LTBP1: variants seen among roughly 807,000 people sequenced by gnomAD.
LTBP1 encodes latent transforming growth factor beta binding protein 1.
LTBP1 carries 129 observed loss-of-function variants against 207.6 expected under a neutral mutation model. The ratio of observed to expected loss-of-function variants is 0.62; its 90% CI spans 0.54 to 0.72. The LOEUF is 0.72. Ranked by LOEUF, LTBP1 falls within the 30% of genes least tolerant of loss-of-function variation. The pLI, the probability that LTBP1 is intolerant of heterozygous loss-of-function variation, is 0.00. For synonymous variants in LTBP1, 963 were observed against 833.7 expected, an observed-to-expected ratio of 1.16 and a Z score of -2.67; for missense variants, 2,281 against 2,217.2, an observed-to-expected ratio of 1.03 and a Z score of -0.58.
intron 4 of LTBP1, among the ~76,000 whole-genome samples, chr2:33,128,735 G>A (rs2081589439): frequency 6.6e-6 from 1 of 152,216 alleles, no homozygotes; most frequent in Non-Finnish European, 1.5e-5. Flanking sequence ...CAGGATTCTA[G>A]ATTGTGGCTG....
chr2:33,328,160 A>C (rs2094451005), intron 24 of LTBP1, among the ~76,000 whole-genome samples: 1 of 147,158 alleles, frequency 6.8e-6, no homozygotes, highest in Admixed American at 6.6e-5. Flanking sequence ...TAAATAAATA[A>C]ATAAATAAAA....
At chr2:33,027,894 C>G (rs1467217477) in intron 3 of LTBP1, among the ~76,000 whole-genome samples, 1 of 152,150 alleles carries the variant, frequency 6.6e-6, no homozygotes, top group Non-Finnish European at 1.5e-5. Flanking sequence ...CCAAGCCCAA[C>G]TGGATATAGC....
chr2:33,121,783 C>T lies in LTBP1; in HGVS notation c.1033+11032C>T, dbSNP rs186220116. The stretch of plus-strand genomic sequence containing the variant: ...TGACCTTTTGTGATTCGGTTAGGTA[C>T]ATGCTTTCTGGTCCAAAGAGTTTTT... On this transcript the variant is annotated intron_variant, in intron 4 of 33. Transcript: ENST00000404816. 5.0e-4 allele frequency among the ~76,000 whole-genome samples: 76 copies of T among 151,940 alleles called. 1 individual carries two copies. In the East Asian group the frequency reaches 0.012, roughly 24 times the overall value.
intron 3 of LTBP1, chr2:33,056,434 G>T: frequency 2.0e-6 from 2 of 992,490 alleles, no homozygotes; most frequent in South Asian, 2.4e-5. Context: ...TTGCCCAGCA[G>T]CTTGTTTAGT....
At chr2:33,353,533 C>A (rs924021403) in intron 26 of LTBP1, among the ~76,000 whole-genome samples, 2 of 152,176 alleles carry the variant, frequency 1.3e-5, no homozygotes, top group African/African-American at 2.4e-5. Flanking sequence ...AATTGCCTCT[C>A]CACATTAGAA....
At position 33,134,913 on chromosome 2, in the gene LTBP1, A is replaced by G; in HGVS notation, c.1154A>G (p.Glu385Gly). Residue 385 changes from glutamate to glycine, a missense_variant, in exon 5 of 34, where the codon GAG becomes GGG. Glu to Gly is a moderately conservative substitution (Grantham distance 98, BLOSUM62 -2). Coordinates refer to ENST00000404816, the MANE Select transcript of LTBP1 (RefSeq NM_206943.4). The surrounding 1 kb of genome is among the most constrained non-coding windows in gnomAD (Gnocchi z 4.4). ...GGGAACACCACCACTCTCATTAGTG[A>G]GAATGGTCATGCTGCCGACACCCTG... ...EKGNTTTLIS[E>G]NGHAADTLTA... 1 of 1,613,944 alleles carries G rather than the reference A, an allele frequency of 6.2e-7. No individual in the cohort carries two copies. Among genetic ancestry groups the G allele is most frequent in the Non-Finnish European group, 8.5e-7 (1 of 1,179,954 alleles).
intron 2 of LTBP1, among the ~76,000 whole-genome samples, chr2:33,002,778 A>G (rs1686229344): frequency 6.6e-6 from 1 of 151,958 alleles, no homozygotes; most frequent in Non-Finnish European, 1.5e-5. Context: ...CCCTGGTTCA[A>G]ACGATTCTCA....
intron 22 of LTBP1, 79 bp from the exon 23 acceptor site, chr2:33,309,355 C>A (rs1393659659): frequency 1.1e-6 from 1 of 925,676 alleles, no homozygotes. Flanking sequence ...AAATAGTGTA[C>A]CTTTACATGT....
intron 5 of LTBP1, among the ~76,000 whole-genome samples, chr2:33,178,153 A>G (rs6721333): frequency 0.064 from 9,757 of 152,238 alleles, 909 homozygotes; most frequent in African/African-American, 0.21. Context: ...GGAGGCCTCA[A>G]TCTCAAGGTG....
intron 3 of LTBP1, among the ~76,000 whole-genome samples, chr2:33,054,721 G>C (rs1038483984): frequency 6.6e-6 from 1 of 152,138 alleles, no homozygotes; most frequent in East Asian, 1.9e-4. Flanking sequence ...TGAGAAGGCC[G>C]CACCAGTGTC....
At chr2:33,115,033 T>TAC (rs2080648163) in intron 4 of LTBP1, among the ~76,000 whole-genome samples, 1 of 98,630 alleles carries the variant, frequency 1.0e-5, no homozygotes, top group South Asian at 3.8e-4. Flanking sequence ...AACAAACAGA[T>TAC]ATATACACAC....
intron 3 of LTBP1, among the ~76,000 whole-genome samples, chr2:33,083,015 C>T (rs1293995031): frequency 3.3e-5 from 5 of 152,066 alleles, no homozygotes; most frequent in Admixed American, 2.6e-4. Context: ...GCCTGCCAAG[C>T]TCCACCACAA....
chr2:33,378,020 T>C (rs995514268), intron 31 of LTBP1, among the ~76,000 whole-genome samples: 1 of 152,128 alleles, frequency 6.6e-6, no homozygotes, highest in Non-Finnish European at 1.5e-5. Flanking sequence ...TCAAACCATA[T>C]CAACAAGCAA....
chr2:33,328,241 A>G (rs1165208251), intron 24 of LTBP1, among the ~76,000 whole-genome samples: 3 of 152,054 alleles, frequency 2.0e-5, no homozygotes, highest in Non-Finnish European at 4.4e-5. Flanking sequence ...TATAGTGAGC[A>G]TACCTGGTAA....
intron 4 of LTBP1, among the ~76,000 whole-genome samples, chr2:33,127,561 A>G (rs776275763): frequency 4.6e-5 from 7 of 152,034 alleles, no homozygotes; most frequent in Non-Finnish European, 7.4e-5. Context: ...CTCTTACCAC[A>G]TTCTCTCTTC....
intron 7 of LTBP1, among the ~76,000 whole-genome samples, chr2:33,201,585 A>T (rs1232181730): frequency 2.0e-5 from 3 of 152,096 alleles, no homozygotes; most frequent in Non-Finnish European, 4.4e-5. Context: ...ATATGTAACT[A>T]ACCTGCACAT....
intron 5 of LTBP1, among the ~76,000 whole-genome samples, chr2:33,146,944 G>A (rs1314973066): frequency 6.6e-6 from 1 of 152,226 alleles, no homozygotes; most frequent in Non-Finnish European, 1.5e-5. Context: ...CAGAGATGAA[G>A]TTGTAGCTAA....
At chr2:33,277,819 T>C (rs10656984) in intron 18 of LTBP1, among the ~76,000 whole-genome samples, 1,940 of 83,970 alleles carry the variant, frequency 0.023, 26 homozygotes, top group African/African-American at 0.063. Context: ...CTTTTTTTCT[T>C]TCTTTCTTTC....
chr2:33,184,186 C>T (rs1023746051), intron 5 of LTBP1, among the ~76,000 whole-genome samples: 35 of 152,164 alleles, frequency 2.3e-4, no homozygotes, highest in African/African-American at 8.4e-4. Flanking sequence ...CTCTCCTTTC[C>T]AGCTAATCCC....
Sources: allele counts gnomAD v4.1 joint callset (sites outside exome capture counted in the v4.1 genomes callset), GRCh38; gene constraint gnomAD v4.1.1; non-coding constraint Gnocchi (gnomAD v3.1); transcripts MANE v1.5; gene names NCBI Gene and HGNC (gene_info 2026-07-23, HGNC 2026-07-21).